Variants in RBFOX2 observed in about 807,000 individuals in gnomAD.
RBFOX2 encodes the protein RNA binding fox-1 homolog 2.
A neutral mutation model predicts 49.1 loss-of-function variants in RBFOX2; 10 were observed. The observed-to-expected ratio is 0.20, with a 90% CI of 0.13 to 0.35. The LOEUF is 0.35. Among genes scored for constraint, RBFOX2 ranks in the 10% least tolerant of loss-of-function variants. The pLI is 1.00. For missense variants in RBFOX2, 323 were observed against 486.9 expected (o/e 0.66, Z 3.17); for synonymous variants, 183 against 187.4 (o/e 0.98, Z 0.19).
At chr22:35,846,242 T>C (rs2041179301) in intron 1 of RBFOX2, among the ~76,000 whole-genome samples, 1 of 149,488 alleles carries the variant, frequency 6.7e-6, no homozygotes, top group Non-Finnish European at 1.5e-5. Flanking sequence ...AATATAATTA[T>C]ATAACTATGT....
upstream of RBFOX2, chr22:35,840,623 C>CGTGTGCGTGTGTGTGTGT (rs61338307): frequency 1.6e-5 from 17 of 1,067,480 alleles, no homozygotes; most frequent in African/African-American, 3.2e-4. Flanking sequence ...CGCGTGTGTG[C>CGTGTGCGTGTGTGTGTGT]GTGTGTGCGT....
chr22:35,869,505 A>AAAAAAG (rs2044104515), intron 1 of RBFOX2, among the ~76,000 whole-genome samples: 2 of 142,566 alleles, frequency 1.4e-5, no homozygotes, highest in Non-Finnish European at 3.1e-5. Flanking sequence ...AAAAAAAAAA[A>AAAAAAG]TGTAGACAGG....
At chr22:35,990,317 A>T (rs1392084345) in intron 1 of RBFOX2, among the ~76,000 whole-genome samples, 1 of 152,180 alleles carries the variant, frequency 6.6e-6, no homozygotes, top group East Asian at 1.9e-4. Context: ...ATGAAAAATG[A>T]AAATAAAGAG....
chr22:36,025,298 C>T (rs1274101234), intron 1 of RBFOX2, among the ~76,000 whole-genome samples: 1 of 152,162 alleles, frequency 6.6e-6, no homozygotes, highest in Non-Finnish European at 1.5e-5. Context: ...ACCCTCTTTC[C>T]GAAAGCATCT....
At chr22:35,954,605 C>T (rs1368639990) in intron 1 of RBFOX2, among the ~76,000 whole-genome samples, 1 of 152,170 alleles carries the variant, frequency 6.6e-6, no homozygotes, top group Non-Finnish European at 1.5e-5. Flanking sequence ...AGTAATGGCC[C>T]TCCATTGCTT....
intron 1 of RBFOX2, among the ~76,000 whole-genome samples, chr22:35,926,632 G>A (rs572392198): frequency 2.0e-5 from 3 of 152,240 alleles, no homozygotes; most frequent in East Asian, 1.9e-4. Flanking sequence ...GTCAAACTGC[G>A]GCATAAAAGG....
At chr22:35,790,278 A>T (rs1569119649) in intron 2 of RBFOX2, among the ~76,000 whole-genome samples, 1 of 152,346 alleles carries the variant, frequency 6.6e-6, no homozygotes, top group South Asian at 2.1e-4. Flanking sequence ...TTTCAAGTGA[A>T]GAAGGGCCTA....
chr22:35,790,648 T>C (rs1001926488), intron 2 of RBFOX2, among the ~76,000 whole-genome samples: 2 of 152,218 alleles, frequency 1.3e-5, no homozygotes, highest in Non-Finnish European at 2.9e-5. Flanking sequence ...ATGCTAACAT[T>C]AGGGGAACTG....
chr22:35,928,008 T>C (rs1017108353), intron 1 of RBFOX2, among the ~76,000 whole-genome samples: 23 of 152,276 alleles, frequency 1.5e-4, no homozygotes, highest in African/African-American at 5.1e-4. Flanking sequence ...TGGCCTCTTT[T>C]CCATAAAATA....
chr22:35,896,933 T>A (rs2149414693), intron 1 of RBFOX2, among the ~76,000 whole-genome samples: 1 of 152,314 alleles, frequency 6.6e-6, no homozygotes, highest in East Asian at 1.9e-4. Context: ...ACTTAGACTC[T>A]TTTACATGTC....
chr22:35,942,838 G>A (rs2053845938), upstream of RBFOX2, among the ~76,000 whole-genome samples: 1 of 152,072 alleles, frequency 6.6e-6, no homozygotes, highest in Non-Finnish European at 1.5e-5. Context: ...AGGTTGAAAG[G>A]ACATGTTTTA....
chr22:35,936,727 TG>T (rs1348348273), intron 1 of RBFOX2, among the ~76,000 whole-genome samples: 2 of 152,116 alleles, frequency 1.3e-5, no homozygotes, highest in East Asian at 3.8e-4. Context: ...GTTACAGAAG[TG>T]GGCCCCTACT....
At chr22:35,795,002 C>G (rs1484579361) in intron 2 of RBFOX2, among the ~76,000 whole-genome samples, 1 of 152,030 alleles carries the variant, frequency 6.6e-6, no homozygotes, top group Non-Finnish European at 1.5e-5. Flanking sequence ...CTTATATGAT[C>G]CAAAGGGCAA....
intron 1 of RBFOX2, among the ~76,000 whole-genome samples, chr22:35,938,323 T>C (rs2053327158): frequency 6.6e-6 from 1 of 152,180 alleles, no homozygotes; most frequent in African/African-American, 2.4e-5. Context: ...TGACCCATAA[T>C]AGGGCCTGGG....
At chr22:35,773,048 G>GAA (rs201037899) in intron 4 of RBFOX2, among the ~76,000 whole-genome samples, 1 of 121,118 alleles carries the variant, frequency 8.3e-6, no homozygotes, top group South Asian at 2.8e-4. Context: ...GGTAACAAAA[G>GAA]AAAAAAAAAA....
Position 35,825,085 on chromosome 22 carries a change from T to C in RBFOX2, c.28-15081A>G, listed in dbSNP as rs151099808. ...AAATACAAAAATTAGCTGGGCATGGTGGCATGTGCCTGTAGTCCCACTTAC... is the reference window on the plus strand; with the variant it reads ...AAATACAAAAATTAGCTGGGCATGGCGGCATGTGCCTGTAGTCCCACTTAC... On this transcript the variant is annotated intron_variant, in intron 1 of 11. Coordinates refer to ENST00000405409, the Ensembl canonical transcript of RBFOX2. Among the ~76,000 whole-genome samples the C allele has an allele frequency of 4.6e-3, 700 of 152,294 alleles. 14 individuals are homozygous for C. In the East Asian group the frequency reaches 0.049, roughly 11 times the overall value.
At chr22:35,948,309 T>G (rs1172264161) in intron 1 of RBFOX2, among the ~76,000 whole-genome samples, 1 of 152,208 alleles carries the variant, frequency 6.6e-6, no homozygotes, top group African/African-American at 2.4e-5. Context: ...CTCAGTTCTT[T>G]CAATTTTCTT....
chr22:36,027,045 G>A (rs1052450219), intron 1 of RBFOX2, among the ~76,000 whole-genome samples: 2 of 152,036 alleles, frequency 1.3e-5, no homozygotes, highest in African/African-American at 4.8e-5. Flanking sequence ...TAACTGGGTG[G>A]CCTTACCCAA....
rs1314787402 is a variant in RBFOX2 at position 35,810,017 on chromosome 22, A to G, written c.28-13T>C. On this transcript the variant is annotated splice_polypyrimidine_tract_variant and intron_variant, in intron 1 of 11. Transcript: ENST00000405409. ...GCTCCTGGTTACCCTAAAACAAACA[A>G]CAAGAGAAAGAAAAAGTGACTTTGA... The G allele has an allele frequency of 6.2e-7, 1 of 1,612,526 alleles. No individual in the cohort carries two copies. Among genetic ancestry groups the G allele is most frequent in the South Asian group, 1.1e-5 (1 of 90,954 alleles).
Sources: allele counts gnomAD v4.1 joint callset (sites outside exome capture counted in the v4.1 genomes callset), GRCh38; gene constraint gnomAD v4.1.1; transcripts MANE v1.5; gene names NCBI Gene and HGNC (gene_info 2026-07-23, HGNC 2026-07-21).